Variants in RFX4 observed in about 807,000 individuals in gnomAD.
The protein encoded by RFX4 is regulatory factor X4, also known as transcription factor RFX4.
In RFX4, 10 loss-of-function variants were observed where a neutral mutation model predicts 95.0. That is an observed-to-expected ratio of 0.11 (90% CI 0.06 to 0.18). The LOEUF (loss-of-function observed/expected upper bound fraction) is 0.18. Among genes scored for constraint, RFX4 ranks in the 10% least tolerant of loss-of-function variants. The probability of loss-of-function intolerance (pLI) is 1.00; values close to 1 mark genes in which losing one functional copy is unlikely to be tolerated. For synonymous variants in RFX4, 321 were observed against 340.7 expected (o/e 0.94, Z 0.64); for missense variants, 640 against 922.0 (o/e 0.69, Z 3.96).
At chr12:106,740,959 T>A (rs747177859) in intron 15 of RFX4, among the ~76,000 whole-genome samples, 1 of 152,130 alleles carries the variant, frequency 6.6e-6, no homozygotes, top group Non-Finnish European at 1.5e-5. Flanking sequence ...GAGCTTGGCA[T>A]AGTGGGAACT....
intron 2 of RFX4, among the ~76,000 whole-genome samples, chr12:106,615,096 C>T (rs771125681): frequency 6.6e-6 from 1 of 152,130 alleles, no homozygotes; most frequent in Non-Finnish European, 1.5e-5. Context: ...AACATATCAT[C>T]TAGCAGCTTT....
intron 17 of RFX4, among the ~76,000 whole-genome samples, chr12:106,758,902 AACATGGGGTTGGATC>A (rs1402887490): frequency 6.6e-6 from 1 of 152,226 alleles, no homozygotes; most frequent in Non-Finnish European, 1.5e-5. Flanking sequence ...TCATCTGTAC[AACATGGGGTTGGATC>A]ACAGGATCCC....
intron 17 of RFX4, among the ~76,000 whole-genome samples, chr12:106,757,969 T>C (rs2043139495): frequency 1.3e-5 from 2 of 152,262 alleles, no homozygotes; most frequent in Admixed American, 6.5e-5. Flanking sequence ...GCACCTCTCA[T>C]ACACTCCTTT....
chr12:106,711,998 C>G (rs994163920), intron 10 of RFX4, among the ~76,000 whole-genome samples: 1 of 152,206 alleles, frequency 6.6e-6, no homozygotes, highest in Non-Finnish European at 1.5e-5. Flanking sequence ...GAAGATCCCA[C>G]TCCATGCCCC....
intron 2 of RFX4, among the ~76,000 whole-genome samples, chr12:106,614,468 G>A (rs1592851760): frequency 1.5e-5 from 2 of 131,640 alleles, no homozygotes; most frequent in South Asian, 2.7e-4. Flanking sequence ...CCTTCTTCAC[G>A]TCTTTTGCCT....
In RFX4 at chr12:106,761,213, C is replaced by G. The variant is rs2043202912; in HGVS notation, c.1952C>G (p.Pro651Arg). The G allele has an allele frequency of 1.2e-6, 2 of 1,612,270 alleles. No homozygotes were observed. Among genetic ancestry groups the G allele is most frequent in the South Asian group, 2.2e-5 (2 of 91,000 alleles). The change falls in exon 18 of 18, where the codon CCC becomes CGC. Residue 651 changes from proline to arginine, a missense_variant. Pro to Arg is a moderately radical substitution (Grantham distance 103, BLOSUM62 -2). Coordinates refer to ENST00000392842, the MANE Select transcript of RFX4 (RefSeq NM_213594.3). ...CTCAACAAGTACCCTTTTAATAGCC[C>G]CACTTCCCGGATGGAACCTTGTTTG... ...RSSAQYPFNS[P>R]TSRMEPCLMS...
Position 106,729,140 on chromosome 12 carries a change from GTTGT to G in RFX4, c.1352-2984_1352-2981del, listed in dbSNP as rs1292948182. ...GAGAATGGTATAAAATGATTTCTAAGTTGTTTGTTCATCCTAAAACTACTGGTTT... is the reference window on the plus strand; with the variant it reads ...GAGAATGGTATAAAATGATTTCTAAGTTGTTCATCCTAAAACTACTGGTTT... On this transcript the variant is annotated intron_variant, in intron 13 of 17. Coordinates refer to ENST00000392842, the MANE Select transcript of RFX4 (RefSeq NM_213594.3). 2.0e-5 allele frequency among the ~76,000 whole-genome samples: 3 copies of G among 152,122 alleles called. No homozygotes were observed. In the East Asian group the frequency reaches 5.8e-4, roughly 29 times the overall value.
intron 3 of RFX4, among the ~76,000 whole-genome samples, chr12:106,643,437 T>C (rs2040677039): frequency 6.6e-6 from 1 of 152,156 alleles, no homozygotes; most frequent in South Asian, 2.1e-4. Context: ...AGTAGGACAT[T>C]AAACTTAGAT....
chr12:106,637,665 T>G (rs977214239), intron 2 of RFX4, among the ~76,000 whole-genome samples: 2 of 147,746 alleles, frequency 1.4e-5, no homozygotes, highest in Non-Finnish European at 3.0e-5. Flanking sequence ...CTATCAATAA[T>G]CTTTATTAGG....
At chr12:106,689,244 T>C in intron 6 of RFX4, 43 bp from the exon 7 acceptor site, 10 of 1,466,992 alleles carry the variant, frequency 6.8e-6, no homozygotes, top group Non-Finnish European at 9.6e-6. Context: ...GCAATGTGTA[T>C]TAATGTATGT....
chr12:106,723,529 G>A (rs899208630), intron 13 of RFX4, among the ~76,000 whole-genome samples: 1 of 152,172 alleles, frequency 6.6e-6, no homozygotes, highest in African/African-American at 2.4e-5. Context: ...CAGCCTGGGT[G>A]TGACAGCTGA....
intron 4 of RFX4, among the ~76,000 whole-genome samples, chr12:106,675,791 T>A (rs775954832): frequency 1.2e-4 from 18 of 152,120 alleles, no homozygotes; most frequent in Non-Finnish European, 2.4e-4. Flanking sequence ...GAGAACATCC[T>A]GTGGGAAGGG....
chr12:106,737,157 C>A (rs12815798), intron 15 of RFX4, among the ~76,000 whole-genome samples: 1 of 104,332 alleles, frequency 9.6e-6, no homozygotes, highest in Non-Finnish European at 1.8e-5. Flanking sequence ...AGACTCGGAA[C>A]TAAAGTTTTT....
intron 14 of RFX4, 125 bp from the exon 15 acceptor site, chr12:106,732,799 C>T (rs1302132129): frequency 1.1e-6 from 1 of 870,356 alleles, no homozygotes; most frequent in Non-Finnish European, 1.7e-6. Context: ...TGATGGGAAA[C>T]CATCGAAGAG....
intron 4 of RFX4, among the ~76,000 whole-genome samples, chr12:106,667,401 CA>C (rs2041198409): frequency 6.6e-6 from 1 of 152,132 alleles, no homozygotes; most frequent in Non-Finnish European, 1.5e-5. Flanking sequence ...CAGCGTATTT[CA>C]AAATGGTTCC....
intron 15 of RFX4, among the ~76,000 whole-genome samples, chr12:106,743,650 T>C: frequency 6.6e-6 from 1 of 152,232 alleles, no homozygotes; most frequent in East Asian, 1.9e-4. Context: ...GCACACCCTC[T>C]GTTGGGGATA....
At chr12:106,682,933 C>T (rs2041551847) in intron 5 of RFX4, 1 of 152,090 alleles carries the variant, frequency 6.6e-6, no homozygotes, top group South Asian at 2.1e-4. Context: ...AGCAGCAGGC[C>T]CTATAAGTTT....
chr12:106,615,187 T>C (rs2040049232), intron 2 of RFX4, among the ~76,000 whole-genome samples: 1 of 152,116 alleles, frequency 6.6e-6, no homozygotes, highest in Non-Finnish European at 1.5e-5. Context: ...AAAGTTCTTT[T>C]TTTTCTTATT....
intron 8 of RFX4, 123 bp from the exon 9 acceptor site, chr12:106,709,207 A>G (rs2042147442): frequency 4.0e-6 from 3 of 741,102 alleles, no homozygotes; most frequent in African/African-American, 1.8e-5. Context: ...TGAGGTTGCT[A>G]TTACAAATGG....
Sources: gnomAD v4.1 joint callset for allele counts (sites outside exome capture counted in the v4.1 genomes callset) on GRCh38, gnomAD v4.1.1 for gene constraint, MANE v1.5 for transcripts, NCBI Gene and HGNC (gene_info 2026-07-23, HGNC 2026-07-21) for gene names.